Variants in RASSF5 observed in about 807,000 individuals in gnomAD.
RASSF5 encodes the protein Ras association domain family member 5, also known as ras association domain-containing protein 5.
A neutral mutation model predicts 40.5 loss-of-function variants in RASSF5; 25 were observed. The ratio of observed to expected loss-of-function variants is 0.62; its 90% CI spans 0.45 to 0.86. The LOEUF is 0.86. Ranked by LOEUF, RASSF5 falls within the 40% of genes least tolerant of loss-of-function variation. RASSF5 has a pLI of 0.00. For synonymous variants in RASSF5, 246 were observed against 252.4 expected (o/e 0.97, Z 0.24); for missense variants, 521 against 572.8 (o/e 0.91, Z 0.92).
chr1:206,521,108 G>C (rs1666893293), intron 1 of RASSF5, among the ~76,000 whole-genome samples: 1 of 152,178 alleles, frequency 6.6e-6, no homozygotes, highest in Non-Finnish European at 1.5e-5. Flanking sequence ...AGCCCACCGG[G>C]TATCTTTAGG....
chr1:206,523,988 T>G lies in RASSF5; in HGVS notation c.458-14184T>G, dbSNP rs562290123. Among the ~76,000 whole-genome samples the G allele has an allele frequency of 3.3e-3, 389 of 117,768 alleles. 4 individuals are homozygous for G. The highest frequency in any genetic ancestry group is 0.014 in the African/African-American group (373 of 27,344). 77.3% of individuals were successfully genotyped at this position (117,768 alleles called of 152,430 possible). On this transcript the variant is annotated intron_variant, in intron 1 of 5. Transcript: ENST00000579436. Reference sequence around the variant, plus strand: ...TATATAATATATTTTATATATAATATGTATATCATATATAGTATATTTTAT... The same window carrying G: ...TATATAATATATTTTATATATAATAGGTATATCATATATAGTATATTTTAT...
rs1026950369 is a variant in RASSF5, at chr1:206,579,729, C to T, written c.580-3540C>T. ...AATCAGAATCTCCAGGGATGAAGCC[C>T]AGGCAGCTAAGTTTCTAAAGATCCC... On this transcript the variant is annotated intron_variant, in intron 2 of 5. Transcript: ENST00000579436. The surrounding 1 kb of genome is among the most constrained non-coding windows in gnomAD (Gnocchi z 4.2). Among the ~76,000 whole-genome samples the T allele has an allele frequency of 6.6e-6, 1 of 152,200 alleles. No individual in the cohort carries two copies. The highest frequency in any genetic ancestry group is 6.5e-5 in the Admixed American group (1 of 15,284).
chr1:206,537,156 A>C (rs1156399697), intron 1 of RASSF5, among the ~76,000 whole-genome samples: 1 of 152,048 alleles, frequency 6.6e-6, no homozygotes, highest in African/African-American at 2.4e-5. Context: ...TGCTGCCACC[A>C]ATGAGCTGTG....
chr1:206,576,383 A>G (rs1256236676), intron 2 of RASSF5, among the ~76,000 whole-genome samples: 1 of 152,200 alleles, frequency 6.6e-6, no homozygotes, highest in Non-Finnish European at 1.5e-5. Flanking sequence ...GTCTACCTCC[A>G]TCCCTACCCC....
chr1:206,510,123 A>G (rs1189995151), intron 1 of RASSF5, among the ~76,000 whole-genome samples: 3 of 152,206 alleles, frequency 2.0e-5, no homozygotes, highest in Non-Finnish European at 4.4e-5. Flanking sequence ...TGATGTGCAG[A>G]TGAGGGCTGG....
At chr1:206,551,994 C>A (rs1305007439) in intron 2 of RASSF5, among the ~76,000 whole-genome samples, 4 of 152,214 alleles carry the variant, frequency 2.6e-5, no homozygotes, top group Admixed American at 6.5e-5. Flanking sequence ...GAAGACAGAG[C>A]CCTTGGGCCT....
chr1:206,548,444 C>A (rs1032954371), intron 2 of RASSF5, among the ~76,000 whole-genome samples: 2 of 152,126 alleles, frequency 1.3e-5, no homozygotes, highest in Non-Finnish European at 1.5e-5. Flanking sequence ...CATGAAGGAA[C>A]AATACGAGAT....
chr1:206,563,003 T>G (rs576633488), intron 2 of RASSF5, among the ~76,000 whole-genome samples: 1 of 152,260 alleles, frequency 6.6e-6, no homozygotes, highest in South Asian at 2.1e-4. Context: ...ACAATCAGGA[T>G]GGACTAACTT....
rs1252356065 is a variant in RASSF5 at position 206,589,199 on chromosome 1, T to C, written c.*2221T>C. 2 of 152,854 alleles carry C rather than the reference T, an allele frequency of 1.3e-5. No individual in the cohort carries two copies. Among genetic ancestry groups the C allele is most frequent in the East Asian group, 3.8e-4 (2 of 5,326 alleles). 9.5% of individuals were successfully genotyped at this position (152,854 alleles called of 1,614,324 possible). A position where few individuals can be genotyped will look rare whatever the true frequency, so the allele number is the denominator to read the frequency against. ...GTTGCTCAGTGTGTAAGTGTTTGTT[T>C]CCAGGATATTTTCTTTTTAAATGTC... On this transcript the variant is annotated 3_prime_UTR_variant, in exon 6 of 6. Transcript: ENST00000579436.
intron 2 of RASSF5, among the ~76,000 whole-genome samples, chr1:206,567,847 A>G (rs907636427): frequency 6.6e-6 from 1 of 152,052 alleles, no homozygotes. Context: ...ACTGGTAAAC[A>G]CTCAATCCTC....
rs1669118213 is a variant in RASSF5 at position 206,586,530 on chromosome 1, A to G, written c.1105-296A>G. The G allele has an allele frequency of 2.1e-5, 6 of 280,324 alleles. No homozygotes were observed. In the South Asian group the frequency reaches 2.4e-4, roughly 11 times the overall value. The allele number at this position is 280,324 out of a possible 1,614,324, so 17.4% of individuals were successfully genotyped here. On this transcript the variant is annotated intron_variant, in intron 5 of 5. Coordinates refer to ENST00000579436, the MANE Select transcript of RASSF5 (RefSeq NM_182663.4). ...TGGGAGGCTGGGTGGTTCCAGCATC[A>G]CTGTCAAGATCTCGGCTGCTACACA... is the stretch of plus-strand genomic sequence containing the variant.
chr1:206,572,064 C>T (rs1319438831), intron 2 of RASSF5, among the ~76,000 whole-genome samples: 1 of 152,214 alleles, frequency 6.6e-6, no homozygotes, highest in East Asian at 1.9e-4. Flanking sequence ...ACAGAATTCT[C>T]ATCTGGTGTT....
chr1:206,570,465 G>A (rs781335249), intron 2 of RASSF5, among the ~76,000 whole-genome samples: 8 of 151,946 alleles, frequency 5.3e-5, no homozygotes, highest in Non-Finnish European at 1.2e-4. Flanking sequence ...CAACCATCAC[G>A]ACCATCCATT....
rs189682632 is a variant in RASSF5 at position 206,517,803 on chromosome 1, A to G, written c.457+9744A>G. ...CACCACCCCACACCCATAGGGTCAC[A>G]TCCGCTTCTGCTCAGGTATCTAGTC... On this transcript the variant is annotated intron_variant, in intron 1 of 5. Transcript: ENST00000579436. Among the ~76,000 whole-genome samples the G allele has an allele frequency of 2.5e-3, 381 of 152,288 alleles. 1 individual carries two copies. Among genetic ancestry groups the G allele is most frequent in the Middle Eastern group, 6.8e-3 (2 of 294 alleles).
rs1225264894 is a variant in RASSF5, at chr1:206,530,414, A to T, written c.458-7758A>T. 2.0e-5 allele frequency among the ~76,000 whole-genome samples: 3 copies of T among 152,122 alleles called. 1 individual carries two copies. On this transcript the variant is annotated intron_variant, in intron 1 of 5. Coordinates refer to ENST00000579436, the MANE Select transcript of RASSF5 (RefSeq NM_182663.4). ...ATTATAACTAGTCTTTTGTAGATGG[A>T]TGTGGGGGTATTGCTAGCATTTTGT... is the stretch of plus-strand genomic sequence containing the variant.
chr1:206,557,427 C>T (rs1272590282), intron 2 of RASSF5: 3 of 1,417,440 alleles, frequency 2.1e-6, no homozygotes, highest in Non-Finnish European at 2.8e-6. Context: ...CTGCCTGGTC[C>T]GCTACCCGAC....
chr1:206,514,165 C>T (rs1291253521), intron 1 of RASSF5, among the ~76,000 whole-genome samples: 1 of 152,182 alleles, frequency 6.6e-6, no homozygotes, highest in East Asian at 1.9e-4. Context: ...TCTTTTTTTA[C>T]CCTTTTTGGA....
chr1:206,587,118 C>A lies in RASSF5; in HGVS notation c.*140C>A. On this transcript the variant is annotated 3_prime_UTR_variant, in exon 6 of 6. Transcript: ENST00000579436. ...CAGCAGTTCCAGCTGTGGCAAAAGT[C>A]TCTTCCATGGACAAGTGTTTGCACG... is the stretch of plus-strand genomic sequence containing the variant. 1 of 1,086,618 alleles carries A rather than the reference C, an allele frequency of 9.2e-7. No individual in the cohort carries two copies. The highest frequency in any genetic ancestry group is 1.6e-5 in the African/African-American group (1 of 64,212). 67.3% of individuals were successfully genotyped at this position (1,086,618 alleles called of 1,614,324 possible).
Position 206,573,063 on chromosome 1 carries a change from G to A in RASSF5, c.580-10206G>A, listed in dbSNP as rs555701509. ...TGATGATGATAATTTGGATGATGAC[G>A]CACTAGCTAACATTTATGGAGTGCT... On this transcript the variant is annotated intron_variant, in intron 2 of 5. Coordinates refer to ENST00000579436, the MANE Select transcript of RASSF5 (RefSeq NM_182663.4). 8.5e-5 allele frequency among the ~76,000 whole-genome samples: 13 copies of A among 152,312 alleles called. No homozygotes were observed. In the South Asian group the frequency reaches 2.1e-3, roughly 24 times the overall value.
Sources: gnomAD v4.1 joint callset for allele counts (sites outside exome capture counted in the v4.1 genomes callset) on GRCh38, gnomAD v4.1.1 for gene constraint, Gnocchi (gnomAD v3.1) non-coding constraint, MANE v1.5 for transcripts, NCBI Gene and HGNC (gene_info 2026-07-23, HGNC 2026-07-21) for gene names.